The following PRDM6 variants were observed in gnomAD, a reference collection of about 807,000 sequenced individuals.
PRDM6 encodes the protein putative histone-lysine N-methyltransferase PRDM6.
Under a neutral mutation model 60.8 loss-of-function variants are expected in PRDM6, and 25 were observed. The ratio of observed to expected loss-of-function variants is 0.41; its 90% CI spans 0.30 to 0.57. The LOEUF (loss-of-function observed/expected upper bound fraction) is 0.57, where lower values mean the gene tolerates loss of function less well. PRDM6 is among the 20% of genes least tolerant of loss of function. PRDM6 has a pLI of 0.27. For missense variants in PRDM6, 839 were observed against 821.3 expected (o/e 1.02, Z -0.26); for synonymous variants, 407 against 357.4 (o/e 1.14, Z -1.57).
chr5:123,143,979 C>G (rs1360193275), intron 3 of PRDM6, among the ~76,000 whole-genome samples: 1 of 152,142 alleles, frequency 6.6e-6, no homozygotes, highest in Admixed American at 6.5e-5. Flanking sequence ...CTCCTTCTTT[C>G]AATCCTGTCA....
chr5:123,171,120 T>C lies in PRDM6; in HGVS notation c.1496+12T>C. Reference sequence around the variant, plus strand: ...CAGAACCCCGACAGGTAACCCTGACTCTCACTGCTGACAGTGTGTTTGCTT... The same window carrying C: ...CAGAACCCCGACAGGTAACCCTGACCCTCACTGCTGACAGTGTGTTTGCTT... On this transcript the variant is annotated intron_variant, in intron 6 of 7. Transcript: ENST00000407847. 6.6e-7 allele frequency: 1 copy of C among 1,515,794 alleles called. No individual in the cohort carries two copies. Among genetic ancestry groups the C allele is most frequent in the Non-Finnish European group, 8.9e-7 (1 of 1,126,794 alleles). The allele number at this position is 1,515,794 out of a possible 1,614,324, so 93.9% of individuals were successfully genotyped here.
At chr5:123,128,231 G>A (rs931422303) in intron 3 of PRDM6, among the ~76,000 whole-genome samples, 2 of 152,168 alleles carry the variant, frequency 1.3e-5, no homozygotes, top group African/African-American at 2.4e-5. Context: ...GTAAACATAC[G>A]TGTGCATGTG....
chr5:123,165,861 C>T (rs1765740388), intron 5 of PRDM6, among the ~76,000 whole-genome samples: 2 of 152,170 alleles, frequency 1.3e-5, no homozygotes, highest in Admixed American at 1.3e-4. Context: ...CTGATCATCT[C>T]ACACCCAAGC....
At position 123,170,966 on chromosome 5, in the gene PRDM6, C is replaced by T. The variant is rs992816619; in HGVS notation, c.1354C>T (p.Arg452Ter). Residue 452 changes from arginine to a stop codon, truncating the protein, a stop_gained, in exon 6 of 8, where the codon CGA (arginine) becomes TGA (stop). Transcript: ENST00000407847. LOFTEE classifies it high-confidence loss of function. Reference sequence around the variant, plus strand: ...TAATCAAATCAACGTGAAAAACCAGCGAGTCCTGGCAAGCCCAACTTCCAC... The same window carrying T: ...TAATCAAATCAACGTGAAAAACCAGTGAGTCCTGGCAAGCCCAACTTCCAC... ...GFNQINVKNQ[R>*]VLASPTSTSQ... The T allele has an allele frequency of 1.9e-6, 3 of 1,551,830 alleles. No homozygotes were observed. The highest frequency in any genetic ancestry group is 2.6e-6 in the Non-Finnish European group (3 of 1,147,040).
chr5:123,120,655 A>G (rs1252161861), intron 3 of PRDM6, among the ~76,000 whole-genome samples: 1 of 152,242 alleles, frequency 6.6e-6, no homozygotes, highest in African/African-American at 2.4e-5. Context: ...ATGGGCATGT[A>G]GTATGCTGAA....
Position 123,187,251 on chromosome 5 carries a change from C to T in PRDM6, c.*50C>T. ...TGCAAGGAAAGTCATGATTAAATGT[C>T]ACGGACACTTAAGCAAAACCAAAGA... On this transcript the variant is annotated 3_prime_UTR_variant, in exon 8 of 8. Transcript: ENST00000407847. The T allele has an allele frequency of 7.1e-7, 1 of 1,408,092 alleles. No homozygotes were observed. Among genetic ancestry groups the T allele is most frequent in the South Asian group, 1.2e-5 (1 of 80,638 alleles). 87.2% of individuals were successfully genotyped at this position (1,408,092 alleles called of 1,614,324 possible).
intron 6 of PRDM6, among the ~76,000 whole-genome samples, chr5:123,171,479 A>G (rs1160671762): frequency 3.9e-5 from 6 of 152,226 alleles, no homozygotes; most frequent in African/African-American, 1.4e-4. Flanking sequence ...CAGTCATTTC[A>G]GGGTTCACCT....
chr5:123,098,900 C>T (rs1764027393), intron 2 of PRDM6, among the ~76,000 whole-genome samples: 1 of 150,766 alleles, frequency 6.6e-6, no homozygotes, highest in Non-Finnish European at 1.5e-5. Context: ...TGAGGGACCC[C>T]ATTTCGGGCG....
intron 3 of PRDM6, among the ~76,000 whole-genome samples, chr5:123,115,212 G>A (rs1338315109): frequency 6.6e-6 from 1 of 152,130 alleles, no homozygotes; most frequent in South Asian, 2.1e-4. Context: ...AGAGCCTTAC[G>A]TTTGCCTTCA....
In PRDM6 at chr5:123,160,699, A is replaced by C. The variant is rs543907402; in HGVS notation, c.1153+1061A>C. On this transcript the variant is annotated intron_variant, in intron 5 of 7. Coordinates refer to ENST00000407847, the MANE Select transcript of PRDM6 (RefSeq NM_001136239.4). ...TTTCTTTGTAAAAAGAAAAATCGTC[A>C]AAAAGCCTATTACTATCAACTTTCC... is the stretch of plus-strand genomic sequence containing the variant. Among the ~76,000 whole-genome samples, 8 of 152,358 alleles carry C rather than the reference A, an allele frequency of 5.3e-5. No individual in the cohort carries two copies. The East Asian group carries it at 1.5e-3, about 29-fold the overall frequency.
intron 3 of PRDM6, among the ~76,000 whole-genome samples, chr5:123,132,163 T>C (rs567913158): frequency 6.6e-6 from 1 of 152,252 alleles, no homozygotes; most frequent in Admixed American, 6.5e-5. Context: ...TACTTAAAAA[T>C]TTTTATGTAG....
In PRDM6 at chr5:123,182,816, GT is replaced by G. The variant is rs35404140; in HGVS notation, c.1673+2502del. Among the ~76,000 whole-genome samples the G allele has an allele frequency of 5.3e-5, 8 of 151,324 alleles. No individual in the cohort carries two copies. In the South Asian group the frequency reaches 6.3e-4, roughly 12 times the overall value. On this transcript the variant is annotated intron_variant, in intron 7 of 7. Transcript: ENST00000407847. Reference sequence around the variant, plus strand: ...ATCTAGACAGCCACATGCTGTAGTTGTTTTTTTTTATTTTAATTTATCAAAT... The same window carrying G: ...ATCTAGACAGCCACATGCTGTAGTTGTTTTTTTTATTTTAATTTATCAAAT...
intron 7 of PRDM6, among the ~76,000 whole-genome samples, chr5:123,183,247 C>T (rs1766208134): frequency 6.6e-6 from 1 of 152,050 alleles, no homozygotes; most frequent in Admixed American, 6.6e-5. Flanking sequence ...AAATAGATGC[C>T]CCAGATGGCT....
rs1222215800 is a variant in PRDM6 at position 123,099,448 on chromosome 5, G to T, written c.593-206G>T. On this transcript the variant is annotated intron_variant, in intron 2 of 7. Transcript: ENST00000407847. The surrounding 1 kb of genome is among the most constrained non-coding windows in gnomAD (Gnocchi z 4.0). ...CTGGCCCGGTACCAGGCAGATCTGG[G>T]TGCGGCGAATTCCAAGGGAGCGGCG... Among the ~76,000 whole-genome samples the T allele has an allele frequency of 6.6e-6, 1 of 152,206 alleles. No homozygotes were observed. The highest frequency in any genetic ancestry group is 2.4e-5 in the African/African-American group (1 of 41,458).
At chr5:123,093,005 T>C (rs1763877391) in intron 2 of PRDM6, among the ~76,000 whole-genome samples, 1 of 152,208 alleles carries the variant, frequency 6.6e-6, no homozygotes, top group Admixed American at 6.5e-5. Context: ...TGAAAGGCTG[T>C]GAAAAACAGA....
In PRDM6 at chr5:123,089,731, G is replaced by A. The variant is rs185275750; in HGVS notation, c.-16+212G>A. On this transcript the variant is annotated intron_variant, in intron 1 of 7. Coordinates refer to ENST00000407847, the MANE Select transcript of PRDM6 (RefSeq NM_001136239.4). ...CTGCAGCCGAGTTCTACGGGGCAGC[G>A]CCCTCCTGTCGGGCCCCAGCATTGC... Among the ~76,000 whole-genome samples the A allele has an allele frequency of 2.7e-3, 406 of 152,302 alleles. 2 individuals carry two copies. Among genetic ancestry groups the A allele is most frequent in the African/African-American group, 9.2e-3 (383 of 41,566 alleles).
chr5:123,105,553 G>A (rs1764183343), intron 3 of PRDM6, among the ~76,000 whole-genome samples: 1 of 152,214 alleles, frequency 6.6e-6, no homozygotes, highest in Admixed American at 6.5e-5. Context: ...ACATTACTCA[G>A]CTGGGGAATA....
At chr5:123,093,966 G>A (rs1763901090) in intron 2 of PRDM6, among the ~76,000 whole-genome samples, 2 of 151,950 alleles carry the variant, frequency 1.3e-5, no homozygotes, top group African/African-American at 4.8e-5. Context: ...TCCCCAGTTG[G>A]GGGAGGGGTC....
At chr5:123,145,429 G>C (rs1765217455) in intron 3 of PRDM6, among the ~76,000 whole-genome samples, 1 of 152,196 alleles carries the variant, frequency 6.6e-6, no homozygotes, top group Non-Finnish European at 1.5e-5. Context: ...TTGAAAGAAT[G>C]CTGTCTGGGA....
Sources: allele counts gnomAD v4.1 joint callset (sites outside exome capture counted in the v4.1 genomes callset), GRCh38; gene constraint gnomAD v4.1.1; non-coding constraint Gnocchi (gnomAD v3.1); transcripts MANE v1.5; gene names NCBI Gene and HGNC (gene_info 2026-07-23, HGNC 2026-07-21).